Variants in TUBGCP6 observed in about 807,000 individuals in gnomAD.
TUBGCP6 encodes the protein gamma-tubulin complex component 6.
Under a neutral mutation model 175.8 loss-of-function variants are expected in TUBGCP6, and 161 were observed. That is an observed-to-expected ratio of 0.92 (90% CI 0.81 to 1.04). TUBGCP6 has a LOEUF of 1.04. Among genes scored for constraint, TUBGCP6 ranks in the 50% least tolerant of loss-of-function variants. TUBGCP6 has a pLI of 0.00. For synonymous variants in TUBGCP6, 1,173 were observed against 1,030.5 expected, an observed-to-expected ratio of 1.14 and a Z score of -2.65; for missense variants, 2,572 against 2,433.0, an observed-to-expected ratio of 1.06 and a Z score of -1.20.
chr22:50,219,603 C>A, intron 18 of TUBGCP6, 41 bp downstream of exon 18: 1 of 1,604,720 alleles, frequency 6.2e-7, no homozygotes, highest in South Asian at 1.1e-5. Context: ...TGGGAACCAG[C>A]CAGCCCAGGG....
intron 10 of TUBGCP6, among the ~76,000 whole-genome samples, chr22:50,225,456 C>T (rs1040002509): frequency 7.2e-5 from 11 of 152,124 alleles, no homozygotes; most frequent in African/African-American, 2.4e-4. Flanking sequence ...CTGGCGGGCC[C>T]GGGGAGGCCC....
At chr22:50,225,990 T>C (rs754036177) in intron 9 of TUBGCP6, 47 bp from the exon 10 acceptor site, 144 of 1,612,768 alleles carry the variant, frequency 8.9e-5, no homozygotes, top group Non-Finnish European at 1.2e-4. Context: ...AGCCCCAGCC[T>C]CATACTCAGC....
In TUBGCP6 at chr22:50,244,624, G is replaced by T. The variant is rs977124349; in HGVS notation, c.-165C>A. 9.7e-6 allele frequency: 12 copies of T among 1,236,430 alleles called. No individual in the cohort carries two copies. The African/African-American group carries it at 1.5e-4, about 16-fold the overall frequency. 76.6% of individuals were successfully genotyped at this position (1,236,430 alleles called of 1,614,324 possible). ...TGGTATTTTTTAAAGGAGGTCTTGC[G>T]GTTGCTCTACTCAGAGTAAACACGC... On this transcript the variant is annotated 5_prime_UTR_variant, in exon 1 of 25. Transcript: ENST00000248846.
rs1369863311 is a variant in TUBGCP6, at chr22:50,244,661, C to A, written c.-202G>T. On this transcript the variant is annotated 5_prime_UTR_variant, in exon 1 of 25. Coordinates refer to ENST00000248846, the MANE Select transcript of TUBGCP6 (RefSeq NM_020461.4). The stretch of plus-strand genomic sequence containing the variant: ...CAGAGTAAACACGCCCTGCCCTCCC[C>A]AGTCCAAGCACGCTGCCCGGCGCCC... 1 of 841,034 alleles carries A rather than the reference C, an allele frequency of 1.2e-6. No homozygotes were observed. 52.1% of individuals were successfully genotyped at this position (841,034 alleles called of 1,614,324 possible).
chr22:50,231,859 C>CAAA (rs71198231), intron 3 of TUBGCP6, among the ~76,000 whole-genome samples: 28 of 123,002 alleles, frequency 2.3e-4, no homozygotes, highest in East Asian at 7.3e-4. Flanking sequence ...GACTCCGTCT[C>CAAA]AAAAAAAAAA....
At chr22:50,227,224 C>A in intron 5 of TUBGCP6, 147 bp from the exon 6 acceptor site, 2 of 726,018 alleles carry the variant, frequency 2.8e-6, no homozygotes, top group South Asian at 1.9e-5. Flanking sequence ...GGCACCCCAA[C>A]CACCCAGAAA....
In TUBGCP6 at chr22:50,218,105, C is replaced by T. The variant is rs35231253; in HGVS notation, c.5181G>A (p.Thr1727=). Residue 1727 remains threonine (T), a synonymous_variant, in exon 24 of 25, where the codon ACG becomes ACA. Transcript: ENST00000248846. ...CGTTCATGACGGGCGCCGCCTTCTC[C>T]GTGAGCAGGCCCCTGGGGGGAAGCA... ...LHKAVFRGLL[T]EKAAPVMNVI... is the part of the protein sequence containing the mutation. The T allele has an allele frequency of 1.3e-3, 2,088 of 1,612,486 alleles. 26 individuals are homozygous for T. The African/African-American group carries it at 0.024, about 19-fold the overall frequency.
chr22:50,240,832 T>C (rs1475715648), intron 1 of TUBGCP6, among the ~76,000 whole-genome samples: 1 of 152,106 alleles, frequency 6.6e-6, no homozygotes, highest in African/African-American at 2.4e-5. Flanking sequence ...CTACTAAAAA[T>C]ATAAAAATCG....
At position 50,244,103 on chromosome 22, in the gene TUBGCP6, C is replaced by A. The variant is rs1327543712; in HGVS notation, c.357G>T (p.Gly119=). The A allele has an allele frequency of 6.2e-7, 1 of 1,613,634 alleles. No homozygotes were observed. Among genetic ancestry groups the A allele is most frequent in the African/African-American group, 1.3e-5 (1 of 74,934 alleles). ...TCGGCAGAACTTGAGGGGGACCACT[C>A]CCTGCCAGCTGAACCAGGAGGTCCA... ...SVLDLLVQLA[G]SGPPQVLPRK... The change falls in exon 1 of 25, where the codon GGG becomes GGT. Residue 119 remains glycine (G), a synonymous_variant. Coordinates refer to ENST00000248846, the MANE Select transcript of TUBGCP6 (RefSeq NM_020461.4).
chr22:50,243,628 AAAAAAAG>A lies in TUBGCP6; in HGVS notation c.741+84_741+90del, dbSNP rs1185778367. The A allele has an allele frequency of 6.7e-5, 77 of 1,142,816 alleles. No homozygotes were observed. The Middle Eastern group carries it at 1.5e-3, about 22-fold the overall frequency. The allele number at this position is 1,142,816 out of a possible 1,614,324, so 70.8% of individuals were successfully genotyped here. A position where few individuals can be genotyped will look rare whatever the true frequency, so the allele number is the denominator to read the frequency against. ...GTGAGACACTGTCTCAAAAAAAAAA[AAAAAAAG>A]AAGAAGAAGAAGAAGAAGAAAGGTC... On this transcript the variant is annotated intron_variant, in intron 1 of 24. Transcript: ENST00000248846.
rs1162910911 is a variant in TUBGCP6, at chr22:50,244,510, G to A, written c.-51C>T. On this transcript the variant is annotated 5_prime_UTR_variant, in exon 1 of 25. Transcript: ENST00000248846. The stretch of plus-strand genomic sequence containing the variant: ...GCGTGTGGGAAAACACCTCACCCGG[G>A]CTTCACTCACGCTCCGGAAGACAGG... The A allele has an allele frequency of 1.9e-6, 3 of 1,539,856 alleles. No individual in the cohort carries two copies. Among genetic ancestry groups the A allele is most frequent in the African/African-American group, 2.7e-5 (2 of 73,278 alleles).
intron 2 of TUBGCP6, 136 bp downstream of exon 2, chr22:50,240,068 G>T: frequency 1.7e-6 from 2 of 1,210,958 alleles, no homozygotes; most frequent in Non-Finnish European, 2.3e-6. Context: ...AGTCAATTTT[G>T]GACACTAGCT....
In TUBGCP6 at chr22:50,240,268, C is replaced by G. The variant is rs2064823939; in HGVS notation, c.841G>C (p.Asp281His). 1.9e-6 allele frequency: 3 copies of G among 1,613,914 alleles called. No individual in the cohort carries two copies. In the African/African-American group the frequency reaches 4.0e-5, roughly 22 times the overall value. The change falls in exon 2 of 25, where the codon GAC becomes CAC. Residue 281 changes from aspartate to histidine, a missense_variant. Transcript: ENST00000248846. ...QSEPSVTPDV[D>H]LWEAALTYEA... The stretch of plus-strand genomic sequence containing the variant: ...TAGGTAAGTGCGGCTTCCCACAGGT[C>G]CACGTCTGGGGTCACGCTGGGCTCA...
intron 21 of TUBGCP6, 39 bp downstream of exon 21, chr22:50,218,664 G>A: frequency 6.2e-7 from 1 of 1,613,494 alleles, no homozygotes; most frequent in Non-Finnish European, 8.5e-7. Context: ...AGGCAGGCAG[G>A]CCCCTGTCCC....
At position 50,229,475 on chromosome 22, in the gene TUBGCP6, A is replaced by G. The variant is rs768070105; in HGVS notation, c.1219T>C (p.Tyr407His). 15 of 1,613,138 alleles carry G rather than the reference A, an allele frequency of 9.3e-6. No individual in the cohort carries two copies. Among genetic ancestry groups the G allele is most frequent in the South Asian group, 7.7e-5 (7 of 90,916 alleles). ...LSEVAEYGTC[Y>H]TRLSHFSLQP... ...AGAGAGAAATGACTCAGGCGCGTGT[A>G]GCAGGTCCCATACTCGGCCACTTCC... is the stretch of plus-strand genomic sequence containing the variant. Residue 407 changes from tyrosine (Y) to histidine (H), a missense_variant, in exon 4 of 25, where the codon TAC (tyrosine) becomes CAC (histidine). Transcript: ENST00000248846.
chr22:50,224,105 A>T (rs1451137344), intron 13 of TUBGCP6, 36 bp downstream of exon 13: 1 of 1,597,724 alleles, frequency 6.3e-7, no homozygotes, highest in Non-Finnish European at 8.5e-7. Flanking sequence ...CCCCTGCCGC[A>T]CTGCACCCCT....
At chr22:50,238,814 C>T (rs1788955264) in intron 2 of TUBGCP6, among the ~76,000 whole-genome samples, 2 of 152,138 alleles carry the variant, frequency 1.3e-5, no homozygotes, top group African/African-American at 2.4e-5. Flanking sequence ...AGTTTTTAAA[C>T]GTGTGAGGGA....
chr22:50,222,642 A>C (rs769558461), intron 13 of TUBGCP6, 50 bp from the exon 14 acceptor site: 13 of 1,596,082 alleles, frequency 8.1e-6, no homozygotes, highest in Non-Finnish European at 1.1e-5. Context: ...ACCCCACCCC[A>C]TCTACCTGGC....
At chr22:50,240,152 C>T (rs1349582197) in intron 2 of TUBGCP6, 52 bp downstream of exon 2, 4 of 1,608,734 alleles carry the variant, frequency 2.5e-6, no homozygotes, top group East Asian at 2.2e-5. Context: ...TCCAAGGCCA[C>T]GCTCATGCAG....
Sources: gnomAD v4.1 joint callset for allele counts (sites outside exome capture counted in the v4.1 genomes callset) on GRCh38, gnomAD v4.1.1 for gene constraint, MANE v1.5 for transcripts, NCBI Gene and HGNC (gene_info 2026-07-23, HGNC 2026-07-21) for gene names.